LRTM3: variants seen among roughly 807,000 people sequenced by gnomAD.
LRTM3 encodes the protein leucine rich repeat transmembrane protein 3.
the LRTM3 span, chr13:102,743,886 G>A: frequency 3.2e-6 from 5 of 1,550,464 alleles, no homozygotes; most frequent in African/African-American, 6.9e-5. Context: ...GATAAAACAG[G>A]CATGAAGAAA....
chr13:102,729,846 A>G, the LRTM3 span: 1 of 1,551,848 alleles, frequency 6.4e-7, no homozygotes, highest in African/African-American at 1.4e-5. Context: ...TTCTTCCTAA[A>G]TAAATCAGAT....
the LRTM3 span, chr13:102,736,490 T>C: frequency 1.3e-6 from 2 of 1,551,158 alleles, no homozygotes; most frequent in Non-Finnish European, 8.7e-7. Flanking sequence ...AGGTGCTGTT[T>C]GCCTTGAAGG....
chr13:102,746,759 A>G, the LRTM3 span: 4 of 1,551,120 alleles, frequency 2.6e-6, no homozygotes, highest in African/African-American at 4.1e-5. Context: ...ACAGTAACCC[A>G]TTTCTCTTGT....
chr13:102,737,281 A>C, the LRTM3 span: 1 of 1,551,190 alleles, frequency 6.4e-7, no homozygotes, highest in East Asian at 2.4e-5. Context: ...TCCCTGCATC[A>C]AATGATTTCT....
chr13:102,743,149 C>A, the LRTM3 span: 1 of 1,550,474 alleles, frequency 6.4e-7, no homozygotes, highest in African/African-American at 1.4e-5. Flanking sequence ...GATGTTCTTG[C>A]TTCTCTTCCC....
At chr13:102,758,719 T>A in the LRTM3 span, 2 of 1,548,220 alleles carry the variant, frequency 1.3e-6, no homozygotes, top group Non-Finnish European at 1.7e-6. Flanking sequence ...ACATCTGAAC[T>A]ACCCTTTTCA....
At chr13:102,737,109 G>A in the LRTM3 span, 1 of 1,551,086 alleles carries the variant, frequency 6.4e-7, no homozygotes, top group South Asian at 1.2e-5. Flanking sequence ...AGTGTATGTG[G>A]AAGTGATAAT....
chr13:102,757,871 G>A, the LRTM3 span, among the ~76,000 whole-genome samples: 5 of 152,252 alleles, frequency 3.3e-5, no homozygotes, highest in African/African-American at 1.2e-4. Flanking sequence ...CAGTGTTGGC[G>A]TCCACTATAT....
the LRTM3 span, chr13:102,750,318 CT>C: frequency 6.5e-7 from 1 of 1,545,124 alleles, no homozygotes; most frequent in Non-Finnish European, 8.8e-7. Flanking sequence ...AAAATTCTAT[CT>C]TCAAAGTTAC....
At chr13:102,738,653 G>GT in the LRTM3 span, 6 of 1,550,358 alleles carry the variant, frequency 3.9e-6, no homozygotes, top group Non-Finnish European at 5.2e-6. Flanking sequence ...TTCATATGCT[G>GT]TTTTCTCTGT....
the LRTM3 span, among the ~76,000 whole-genome samples, chr13:102,752,772 G>A: frequency 3.9e-5 from 6 of 152,126 alleles, no homozygotes; most frequent in Middle Eastern, 3.2e-3. Context: ...ATTTGTAGAC[G>A]TGGCCTTTAA....
At chr13:102,756,747 C>G in the LRTM3 span, among the ~76,000 whole-genome samples, 1 of 137,764 alleles carries the variant, frequency 7.3e-6, no homozygotes, top group Non-Finnish European at 1.5e-5. Flanking sequence ...CCTTTTTTAA[C>G]TTCAAAATTT....
the LRTM3 span, chr13:102,741,863 T>C: frequency 1.9e-6 from 3 of 1,550,310 alleles, no homozygotes; most frequent in South Asian, 1.2e-5. Flanking sequence ...ACTACTGTAA[T>C]TGATTTGTTG....
chr13:102,745,711 T>C, the LRTM3 span: 2 of 1,551,206 alleles, frequency 1.3e-6, no homozygotes, highest in Non-Finnish European at 1.7e-6. Flanking sequence ...CCTGTTCCTT[T>C]TGATGGCTAG....
chr13:102,737,501 C>G, the LRTM3 span: 1 of 1,550,116 alleles, frequency 6.5e-7, no homozygotes, highest in Non-Finnish European at 8.7e-7. Context: ...TTCTCCATCC[C>G]TGTTCCCTTG....
the LRTM3 span, chr13:102,748,917 G>A: frequency 7.7e-6 from 12 of 1,550,388 alleles, no homozygotes; most frequent in African/African-American, 1.2e-4. Flanking sequence ...GTCTCCTCAA[G>A]AGGACCTGCA....
chr13:102,742,865 T>A, the LRTM3 span: 12 of 1,550,840 alleles, frequency 7.7e-6, 1 homozygote, highest in Middle Eastern at 1.7e-4. Flanking sequence ...GTTCTGTTTA[T>A]CATATTTGTT....
the LRTM3 span, chr13:102,739,347 C>G: frequency 8.1e-5 from 126 of 1,549,446 alleles, 2 homozygotes; most frequent in Admixed American, 1.3e-3. Flanking sequence ...CACTTTGATT[C>G]TATTACATTA....
At chr13:102,747,554 C>A in the LRTM3 span, 3 of 1,550,928 alleles carry the variant, frequency 1.9e-6, no homozygotes, top group African/African-American at 2.7e-5. Flanking sequence ...AGGTAAATAT[C>A]TTTTTACATC....
Sources: gnomAD v4.1 joint callset for allele counts (sites outside exome capture counted in the v4.1 genomes callset) on GRCh38, gnomAD v4.1.1 for gene constraint, MANE v1.5 for transcripts, NCBI Gene and HGNC (gene_info 2026-07-23, HGNC 2026-07-21) for gene names.